DIS3L2: variants seen among roughly 807,000 people sequenced by gnomAD.
DIS3L2 encodes DIS3-like exonuclease 2.
In DIS3L2, 34 loss-of-function variants were observed where a neutral mutation model predicts 97.5. That is an observed-to-expected ratio of 0.35 (90% CI 0.27 to 0.46). The LOEUF (loss-of-function observed/expected upper bound fraction) is 0.46, where lower values mean the gene tolerates loss of function less well. DIS3L2 is among the 20% of genes least tolerant of loss of function. DIS3L2 has a pLI of 1.00. For missense variants in DIS3L2, 1,038 were observed against 1,146.0 expected (o/e 0.91, Z 1.36); for synonymous variants, 435 against 445.2 (o/e 0.98, Z 0.29).
intron 1 of DIS3L2, among the ~76,000 whole-genome samples, chr2:232,000,764 ATGT>A (rs1693873708): frequency 1.1e-5 from 1 of 94,884 alleles, no homozygotes; most frequent in African/African-American, 4.0e-5. Flanking sequence ...GGATTTCACC[ATGT>A]TGTTGCCCAG....
chr2:232,306,840 G>A (rs994403895), intron 14 of DIS3L2, among the ~76,000 whole-genome samples: 6 of 152,216 alleles, frequency 3.9e-5, no homozygotes. Flanking sequence ...GACCCATCCT[G>A]TCTTCCTGCC....
At chr2:232,328,472 G>A (rs1695637805) in intron 14 of DIS3L2, 1 of 152,232 alleles carries the variant, frequency 6.6e-6, no homozygotes, top group East Asian at 1.9e-4. Context: ...CCTGGGTGGA[G>A]GAGGGGCTCT....
At chr2:232,004,407 A>C (rs1481467375) in intron 1 of DIS3L2, among the ~76,000 whole-genome samples, 1 of 152,048 alleles carries the variant, frequency 6.6e-6, no homozygotes, top group African/African-American at 2.4e-5. Flanking sequence ...TTGTCCTGTA[A>C]GTCCATAATA....
chr2:232,253,026 T>C (rs1693460524), intron 12 of DIS3L2, among the ~76,000 whole-genome samples: 1 of 152,200 alleles, frequency 6.6e-6, no homozygotes, highest in African/African-American at 2.4e-5. Flanking sequence ...GTGTCAGTTG[T>C]TCCTTCAAGT....
chr2:232,106,191 A>T (rs1055246891), intron 6 of DIS3L2, among the ~76,000 whole-genome samples: 1 of 152,144 alleles, frequency 6.6e-6, no homozygotes, highest in Non-Finnish European at 1.5e-5. Context: ...TTACAATTAC[A>T]TTACATTGCC....
intron 5 of DIS3L2, among the ~76,000 whole-genome samples, chr2:232,072,626 T>G (rs1334162340): frequency 6.6e-6 from 1 of 152,150 alleles, no homozygotes; most frequent in Non-Finnish European, 1.5e-5. Flanking sequence ...AGGCTCACTC[T>G]GTTATGTTGG....
chr2:232,095,491 AT>A (rs1696978998), intron 6 of DIS3L2, among the ~76,000 whole-genome samples: 1 of 152,188 alleles, frequency 6.6e-6, no homozygotes, highest in Non-Finnish European at 1.5e-5. Context: ...TGTTGCTTTT[AT>A]TCACATCTTA....
intron 14 of DIS3L2, among the ~76,000 whole-genome samples, chr2:232,312,017 A>G (rs189814925): frequency 3.7e-4 from 57 of 152,210 alleles, no homozygotes; most frequent in East Asian, 3.1e-3. Context: ...TGCCTTTTCA[A>G]ATTTCTTGCC....
intron 6 of DIS3L2, among the ~76,000 whole-genome samples, chr2:232,101,051 C>A (rs1172092184): frequency 6.6e-6 from 1 of 151,850 alleles, no homozygotes. Context: ...GCCTGGACAA[C>A]GTGGTGAAAC....
chr2:232,338,036 C>A (rs1696020292), downstream of DIS3L2, among the ~76,000 whole-genome samples: 1 of 151,416 alleles, frequency 6.6e-6, no homozygotes, highest in Admixed American at 6.6e-5. Context: ...CAAGTATCTG[C>A]AGGGACAGAC....
intron 13 of DIS3L2, among the ~76,000 whole-genome samples, chr2:232,285,828 C>T (rs555045809): frequency 2.0e-5 from 3 of 152,264 alleles, no homozygotes; most frequent in Admixed American, 6.5e-5. Flanking sequence ...CTGCTTATCA[C>T]GGGGCCCTGC....
At chr2:232,237,438 A>G (rs1692962444) in intron 10 of DIS3L2, among the ~76,000 whole-genome samples, 1 of 152,236 alleles carries the variant, frequency 6.6e-6, no homozygotes, top group Non-Finnish European at 1.5e-5. Flanking sequence ...TCATTCATTC[A>G]ACAAGTACTT....
intron 20 of DIS3L2, chr2:232,336,235 G>C: frequency 6.5e-7 from 1 of 1,541,574 alleles, no homozygotes; most frequent in Non-Finnish European, 8.8e-7. Context: ...CGCGGACCCA[G>C]GCCCTCAGGT....
At chr2:231,984,925 A>G (rs1169405326) in intron 1 of DIS3L2, among the ~76,000 whole-genome samples, 1 of 152,212 alleles carries the variant, frequency 6.6e-6, no homozygotes, top group Non-Finnish European at 1.5e-5. Flanking sequence ...CCGGCAAATT[A>G]AACTTTTTAT....
chr2:232,140,140 C>T (rs1383952644), intron 8 of DIS3L2, among the ~76,000 whole-genome samples: 1 of 152,140 alleles, frequency 6.6e-6, no homozygotes, highest in Admixed American at 6.6e-5. Context: ...ATTACACTTC[C>T]TTTCCTAACA....
rs1695726673 is a variant in DIS3L2, at chr2:232,062,066, C to T, written c.367-25421C>T. 3.3e-5 allele frequency among the ~76,000 whole-genome samples: 5 copies of T among 151,960 alleles called. No homozygotes were observed. The South Asian group carries it at 8.3e-4, about 25-fold the overall frequency. On this transcript the variant is annotated intron_variant, in intron 5 of 20. Transcript: ENST00000325385. ...TTCAGAGATCATAGGAAATTTGCTT[C>T]CAGAGTCATCCTGTTCAGCTACGGG...
chr2:232,325,173 T>C lies in DIS3L2; in HGVS notation c.1740-4640T>C, dbSNP rs1299168912. 6.6e-6 allele frequency among the ~76,000 whole-genome samples: 1 copy of C among 152,178 alleles called. No individual in the cohort carries two copies. The highest frequency in any genetic ancestry group is 1.5e-5 in the Non-Finnish European group (1 of 68,012). On this transcript the variant is annotated intron_variant, in intron 14 of 20. Coordinates refer to ENST00000325385, the MANE Select transcript of DIS3L2 (RefSeq NM_152383.5). This position sits in a 1 kb window ranked among gnomAD's most constrained non-coding sequence, Gnocchi z 4.6. ...AGCAGCCTTTCCCAGCATCGTCCTT[T>C]AAGATGCGACAGAAACAGGTCCCAC... is the stretch of plus-strand genomic sequence containing the variant.
At chr2:232,318,586 TCA>T (rs1335850782) in intron 14 of DIS3L2, among the ~76,000 whole-genome samples, 1 of 152,150 alleles carries the variant, frequency 6.6e-6, no homozygotes, top group Non-Finnish European at 1.5e-5. Flanking sequence ...GGAGTGGCTC[TCA>T]GTGTTGTGAG....
chr2:231,997,237 C>T (rs1005094184), intron 1 of DIS3L2, among the ~76,000 whole-genome samples: 2 of 152,160 alleles, frequency 1.3e-5, no homozygotes, highest in Non-Finnish European at 2.9e-5. Flanking sequence ...ATTTCTATTC[C>T]AGAGCTTTTC....
Sources: allele counts gnomAD v4.1 joint callset (sites outside exome capture counted in the v4.1 genomes callset), GRCh38; gene constraint gnomAD v4.1.1; non-coding constraint Gnocchi (gnomAD v3.1); transcripts MANE v1.5; gene names NCBI Gene and HGNC (gene_info 2026-07-23, HGNC 2026-07-21).